Variants in CNTNAP3B observed in about 807,000 individuals in gnomAD.
CNTNAP3B encodes the protein contactin associated protein family member 3B, also known as contactin-associated protein-like 3B.
In CNTNAP3B, 25 loss-of-function variants were observed where a neutral mutation model predicts 108.9. That is an observed-to-expected ratio of 0.23 (90% CI 0.17 to 0.32). The LOEUF (loss-of-function observed/expected upper bound fraction) is 0.32, where lower values mean the gene tolerates loss of function less well. CNTNAP3B is among the 10% of genes least tolerant of loss of function. CNTNAP3B has a pLI of 1.00. For synonymous variants in CNTNAP3B, 103 were observed against 473.4 expected, an observed-to-expected ratio of 0.22 and a Z score of 10.16; for missense variants, 252 against 1,210.4, an observed-to-expected ratio of 0.21 and a Z score of 11.75.
chr9:41,926,596 G>A (rs1349975634), intron 15 of CNTNAP3B: 1 of 152,304 alleles, frequency 6.6e-6, no homozygotes, highest in Non-Finnish European at 1.5e-5. Flanking sequence ...CTAGTTGCTG[G>A]GACTACAGGC....
rs1302289951 is a variant in CNTNAP3B at position 42,098,519 on chromosome 9, C to T, written c.196+6110G>A. On this transcript the variant is annotated intron_variant, in intron 2 of 23. Coordinates refer to ENST00000377561, the MANE Select transcript of CNTNAP3B (RefSeq NM_001201380.3). Reference sequence around the variant, plus strand: ...AATGGCATGAACCTGGGAGGTGGAGCTTGCAGTGAGCAGAGATCATGCCAC... The same window carrying T: ...AATGGCATGAACCTGGGAGGTGGAGTTTGCAGTGAGCAGAGATCATGCCAC... 2.2e-5 allele frequency among the ~76,000 whole-genome samples: 2 copies of T among 91,254 alleles called. 1 individual carries two copies. Among genetic ancestry groups the T allele is most frequent in the African/African-American group, 8.7e-5 (2 of 23,006 alleles). 59.9% of individuals were successfully genotyped at this position (91,254 alleles called of 152,430 possible).
At chr9:42,058,343 G>C (rs531075667) in intron 3 of CNTNAP3B, among the ~76,000 whole-genome samples, 1,130 of 151,704 alleles carry the variant, frequency 7.4e-3, no homozygotes, top group Non-Finnish European at 0.012. Context: ...AGTATACAGG[G>C]ATCCTCTTTT....
chr9:41,952,035 T>G (rs1466737788), intron 13 of CNTNAP3B, among the ~76,000 whole-genome samples: 1 of 152,246 alleles, frequency 6.6e-6, no homozygotes, highest in Non-Finnish European at 1.5e-5. Context: ...GCAAAGATCG[T>G]GCCACTGCAC....
chr9:42,030,723 C>A, intron 3 of CNTNAP3B, among the ~76,000 whole-genome samples: 1 of 84,218 alleles, frequency 1.2e-5, no homozygotes, highest in African/African-American at 5.0e-5. Context: ...GTCTCTCCTG[C>A]CCGGAGAAGG....
rs1826717475 is a variant in CNTNAP3B, at chr9:42,040,285, G to A, written c.391-26760C>T. On this transcript the variant is annotated intron_variant, in intron 3 of 23. Transcript: ENST00000377561. ...AAAGAGTATTCAGTTAGGAAAAGAG[G>A]AAGTCAAATTGTCCCTGTTTGCAGA... is the stretch of plus-strand genomic sequence containing the variant. Among the ~76,000 whole-genome samples the A allele has an allele frequency of 2.2e-5, 2 of 91,508 alleles. 1 individual carries two copies. Among genetic ancestry groups the A allele is most frequent in the Non-Finnish European group, 4.5e-5 (2 of 44,094 alleles). The allele number at this position is 91,508 out of a possible 152,430, so 60.0% of individuals were successfully genotyped here.
intron 14 of CNTNAP3B, among the ~76,000 whole-genome samples, chr9:41,929,975 C>T (rs1333979205): frequency 6.6e-6 from 1 of 152,108 alleles, no homozygotes; most frequent in African/African-American, 2.4e-5. Flanking sequence ...AGGTAACTTC[C>T]CTTCTAAAAT....
At position 41,991,130 on chromosome 9, in the gene CNTNAP3B, G is replaced by A. The variant is rs569493951; in HGVS notation, c.1333+480C>T. ...CCCAGAAAACGAATCAGCCATCAAC[G>A]AAAGAATAAGAACTCTTGGTATTTG... On this transcript the variant is annotated intron_variant, in intron 8 of 23. Coordinates refer to ENST00000377561, the MANE Select transcript of CNTNAP3B (RefSeq NM_001201380.3). Among the ~76,000 whole-genome samples, 231 of 125,878 alleles carry A rather than the reference G, an allele frequency of 1.8e-3. 39 individuals are homozygous for A. Among genetic ancestry groups the A allele is most frequent in the South Asian group, 0.014 (55 of 3,908 alleles). The allele number at this position is 125,878 out of a possible 152,430, so 82.6% of individuals were successfully genotyped here.
intron 15 of CNTNAP3B, among the ~76,000 whole-genome samples, chr9:41,925,565 C>T (rs916843696): frequency 2.0e-5 from 3 of 152,180 alleles, no homozygotes; most frequent in Non-Finnish European, 4.4e-5. Flanking sequence ...TGCACTCCAG[C>T]CTGCGCAACA....
Position 42,093,317 on chromosome 9 carries a change from C to T in CNTNAP3B, c.196+11312G>A, listed in dbSNP as rs1363658399. The stretch of plus-strand genomic sequence containing the variant: ...CCGAGATCACGTCACTGCACTCCAG[C>T]CTGGGTGACAGGGTGAGGCTCCATC... On this transcript the variant is annotated intron_variant, in intron 2 of 23. Coordinates refer to ENST00000377561, the MANE Select transcript of CNTNAP3B (RefSeq NM_001201380.3). 2.1e-5 allele frequency among the ~76,000 whole-genome samples: 2 copies of T among 95,822 alleles called. 1 individual carries two copies. Among genetic ancestry groups the T allele is most frequent in the African/African-American group, 7.8e-5 (2 of 25,806 alleles). The allele number at this position is 95,822 out of a possible 152,430, so 62.9% of individuals were successfully genotyped here. A position where few individuals can be genotyped will look rare whatever the true frequency, so the allele number is the denominator to read the frequency against.
intron 14 of CNTNAP3B, among the ~76,000 whole-genome samples, chr9:41,930,999 T>A (rs1823961831): frequency 6.6e-6 from 1 of 152,280 alleles, no homozygotes; most frequent in South Asian, 2.1e-4. Flanking sequence ...ATATTCTGAT[T>A]TACAGACAAA....
chr9:41,958,491 A>G (rs1477410446), intron 12 of CNTNAP3B, among the ~76,000 whole-genome samples: 1 of 151,914 alleles, frequency 6.6e-6, no homozygotes, highest in Non-Finnish European at 1.5e-5. Context: ...TAACTGCTGT[A>G]AAGAGGCCTG....
At chr9:41,941,527 G>T (rs1224518320) in intron 13 of CNTNAP3B, among the ~76,000 whole-genome samples, 1 of 148,534 alleles carries the variant, frequency 6.7e-6, no homozygotes, top group African/African-American at 2.5e-5. Context: ...AAAAAATGAG[G>T]CAAAAATTGA....
At position 42,053,248 on chromosome 9, in the gene CNTNAP3B, C is replaced by T. The variant is rs563123331; in HGVS notation, c.390+23621G>A. On this transcript the variant is annotated intron_variant, in intron 3 of 23. Transcript: ENST00000377561. ...GCCCCTACGCAAGATGGTTCAAATG[C>T]TTCTGATAAAGGGACTCATATAGTA... 1.1e-3 allele frequency among the ~76,000 whole-genome samples: 104 copies of T among 93,818 alleles called. 32 individuals carry two copies. Among genetic ancestry groups the T allele is most frequent in the Middle Eastern group, 5.2e-3 (1 of 194 alleles). The allele number at this position is 93,818 out of a possible 152,430, so 61.5% of individuals were successfully genotyped here.
chr9:41,968,855 T>C (rs1825358689), intron 10 of CNTNAP3B, among the ~76,000 whole-genome samples: 1 of 150,988 alleles, frequency 6.6e-6, no homozygotes, highest in South Asian at 2.1e-4. Context: ...TGGAGTGCAG[T>C]GGCACTATCT....
At chr9:42,112,638 G>A (rs1828217008) in intron 1 of CNTNAP3B, among the ~76,000 whole-genome samples, 2 of 136,488 alleles carry the variant, frequency 1.5e-5, no homozygotes, top group Non-Finnish European at 3.1e-5. Flanking sequence ...TAGGAGATAG[G>A]GGTTACACGT....
At chr9:42,119,881 A>C (rs1434373664) in intron 1 of CNTNAP3B, among the ~76,000 whole-genome samples, 1 of 140,442 alleles carries the variant, frequency 7.1e-6, no homozygotes, top group Non-Finnish European at 1.5e-5. Flanking sequence ...CCTAGAAGAA[A>C]ACCTAGGCAA....
intron 4 of CNTNAP3B, among the ~76,000 whole-genome samples, chr9:42,012,589 G>C: frequency 7.7e-6 from 1 of 129,470 alleles, no homozygotes; most frequent in East Asian, 2.5e-4. Flanking sequence ...CATCCGGCCG[G>C]ACCCAAATTG....
chr9:41,995,581 A>G (rs1825880600), intron 7 of CNTNAP3B, among the ~76,000 whole-genome samples: 1 of 132,536 alleles, frequency 7.5e-6, no homozygotes, highest in Non-Finnish European at 1.6e-5. Context: ...TAAAAATACA[A>G]AAAGCCGGGC....
intron 13 of CNTNAP3B, among the ~76,000 whole-genome samples, chr9:41,940,311 T>C (rs1038324652): frequency 2.0e-5 from 3 of 152,284 alleles, no homozygotes; most frequent in African/African-American, 7.2e-5. Context: ...ATTGAACTTT[T>C]TGGAAACAAA....
Sources: gnomAD v4.1 joint callset for allele counts (sites outside exome capture counted in the v4.1 genomes callset) on GRCh38, gnomAD v4.1.1 for gene constraint, MANE v1.5 for transcripts, NCBI Gene and HGNC (gene_info 2026-07-23, HGNC 2026-07-21) for gene names.